Variants in BMP7 observed in about 807,000 individuals in gnomAD.
BMP7 encodes the protein osteogenic protein 1.
A neutral mutation model predicts 41.2 loss-of-function variants in BMP7; 12 were observed. That is an observed-to-expected ratio of 0.29 (90% CI 0.19 to 0.47). BMP7 has a LOEUF of 0.47. Ranked by LOEUF, BMP7 falls within the 20% of genes least tolerant of loss-of-function variation. BMP7 has a pLI of 0.99. For missense variants in BMP7, 467 were observed against 606.0 expected (o/e 0.77, Z 2.41); for synonymous variants, 248 against 250.0 (o/e 0.99, Z 0.07).
chr20:57,203,667 C>T (rs1359027563), intron 2 of BMP7, among the ~76,000 whole-genome samples: 3 of 152,202 alleles, frequency 2.0e-5, no homozygotes, highest in African/African-American at 7.2e-5. Flanking sequence ...TTCTTGCACA[C>T]TTTTAATAAG....
intron 1 of BMP7, among the ~76,000 whole-genome samples, chr20:57,249,195 C>T (rs539217990): frequency 6.6e-6 from 1 of 152,160 alleles, no homozygotes; most frequent in South Asian, 2.1e-4. Context: ...TCTGCTGTCC[C>T]AGAGGGTGTT....
chr20:57,244,462 C>T (rs541718694), intron 1 of BMP7, among the ~76,000 whole-genome samples: 5 of 152,302 alleles, frequency 3.3e-5, no homozygotes, highest in Admixed American at 2.6e-4. Flanking sequence ...AGGAAGACAC[C>T]GGCTCCTTAG....
chr20:57,205,764 A>G (rs1984715430), intron 2 of BMP7, among the ~76,000 whole-genome samples: 1 of 152,206 alleles, frequency 6.6e-6, no homozygotes, highest in Non-Finnish European at 1.5e-5. Context: ...GATACTGAGC[A>G]TTCTCTTATT....
Position 57,171,363 on chromosome 20 carries a change from G to C in BMP7, c.1147-255C>G, listed in dbSNP as rs886188009. ...AGTGGGGAAGGAAGGGGCCAGATCCGACATTCAGGACCAGGTAATTCTCTG... is the reference window on the plus strand; with the variant it reads ...AGTGGGGAAGGAAGGGGCCAGATCCCACATTCAGGACCAGGTAATTCTCTG... On this transcript the variant is annotated intron_variant, in intron 6 of 6. Transcript: ENST00000395863. The surrounding 1 kb of genome is among the most constrained non-coding windows in gnomAD (Gnocchi z 4.5). Among the ~76,000 whole-genome samples the C allele has an allele frequency of 6.6e-6, 1 of 152,304 alleles. No individual in the cohort carries two copies. Among genetic ancestry groups the C allele is most frequent in the Non-Finnish European group, 1.5e-5 (1 of 68,022 alleles).
At chr20:57,221,895 C>T (rs1183542802) in intron 2 of BMP7, among the ~76,000 whole-genome samples, 3 of 151,926 alleles carry the variant, frequency 2.0e-5, no homozygotes, top group Non-Finnish European at 4.4e-5. Flanking sequence ...CAGTAAAGAG[C>T]CCCCATTGCA....
chr20:57,227,893 G>A (rs1418474160), intron 2 of BMP7, among the ~76,000 whole-genome samples: 4 of 152,076 alleles, frequency 2.6e-5, no homozygotes, highest in Admixed American at 1.3e-4. Flanking sequence ...GTTTCAGAGT[G>A]AGAAACGGGA....
rs1467545121 is a variant in BMP7 at position 57,215,572 on chromosome 20, CCAAGAACTCTGGTGAAACAT to C, written c.611+12637_611+12656del. ...GCTGGATTCCAGCTCACAGAACACA[CCAAGAACTCTGGTGAAACAT>C]CAAGAACTCTGGGGGGTCCCCCCAG... On this transcript the variant is annotated intron_variant, in intron 2 of 6. Coordinates refer to ENST00000395863, the MANE Select transcript of BMP7 (RefSeq NM_001719.3). This position sits in a 1 kb window ranked among gnomAD's most constrained non-coding sequence, Gnocchi z 4.2. The C allele has an allele frequency of 6.6e-6, 1 of 152,182 alleles. No individual in the cohort carries two copies. Among genetic ancestry groups the C allele is most frequent in the African/African-American group, 2.4e-5 (1 of 41,442 alleles). 9.4% of individuals were successfully genotyped at this position (152,182 alleles called of 1,614,324 possible).
chr20:57,243,420 A>G (rs1327167063), intron 1 of BMP7, among the ~76,000 whole-genome samples: 1 of 152,208 alleles, frequency 6.6e-6, no homozygotes, highest in Non-Finnish European at 1.5e-5. Flanking sequence ...CAGAGGTTGC[A>G]GTGAGCTGAG....
Position 57,238,826 on chromosome 20 carries a change from C to T in BMP7, c.419-10405G>A, listed in dbSNP as rs370479414. ...AAGAGAAAATGGGGAAGAAGCAAAG[C>T]TGAAACCCCTGATAAACCCATCAGA... On this transcript the variant is annotated intron_variant, in intron 1 of 6. Transcript: ENST00000395863. Among the ~76,000 whole-genome samples the T allele has an allele frequency of 1.6e-4, 25 of 152,236 alleles. No homozygotes were observed. The East Asian group carries it at 2.5e-3, about 15-fold the overall frequency.
chr20:57,183,987 A>G, intron 3 of BMP7, 68 bp from the exon 4 acceptor site: 1 of 1,552,724 alleles, frequency 6.4e-7, no homozygotes, highest in Non-Finnish European at 8.8e-7. Context: ...ACAGGGCTGC[A>G]GAGATGCTAT....
chr20:57,194,781 C>T (rs1012663745), intron 3 of BMP7, among the ~76,000 whole-genome samples: 5 of 152,182 alleles, frequency 3.3e-5, no homozygotes, highest in South Asian at 2.1e-4. Flanking sequence ...AGGTCACAGG[C>T]GCAAAGTCAC....
rs1225381298 is a variant in BMP7, at chr20:57,259,031, C to T, written c.418+6674G>A. Reference sequence around the variant, plus strand: ...CCTTTATAAAATGAGGACACAAATGCAGAGATGTTAAGTAACTTGCCCAAG... The same window carrying T: ...CCTTTATAAAATGAGGACACAAATGTAGAGATGTTAAGTAACTTGCCCAAG... On this transcript the variant is annotated intron_variant, in intron 1 of 6. Coordinates refer to ENST00000395863, the MANE Select transcript of BMP7 (RefSeq NM_001719.3). The surrounding 1 kb of genome is among the most constrained non-coding windows in gnomAD (Gnocchi z 4.7). Among the ~76,000 whole-genome samples, 1 of 152,156 alleles carries T rather than the reference C, an allele frequency of 6.6e-6. No individual in the cohort carries two copies. Among genetic ancestry groups the T allele is most frequent in the Non-Finnish European group, 1.5e-5 (1 of 68,036 alleles).
In BMP7 at chr20:57,228,428, G is replaced by A. The variant is rs143641078; in HGVS notation, c.419-7C>T. 111 of 1,614,002 alleles carry A rather than the reference G, an allele frequency of 6.9e-5. No individual in the cohort carries two copies. In the African/African-American group the frequency reaches 1.2e-3, roughly 18 times the overall value. On this transcript the variant is annotated splice_polypyrimidine_tract_variant and splice_region_variant and intron_variant, in intron 1 of 6. Transcript: ENST00000395863. The surrounding 1 kb of genome is among the most constrained non-coding windows in gnomAD (Gnocchi z 4.5). ...AATTCCTTGTCATGTTCCACTGGAA[G>A]AGGAAGAGAACACACACCAACACCG...
chr20:57,231,020 T>C (rs1336758861), intron 1 of BMP7, among the ~76,000 whole-genome samples: 2 of 152,164 alleles, frequency 1.3e-5, no homozygotes, highest in Non-Finnish European at 1.5e-5. Context: ...ACGTGTAGCG[T>C]GTGTGTAAAC....
At chr20:57,191,525 C>T (rs1260311520) in intron 3 of BMP7, among the ~76,000 whole-genome samples, 1 of 151,870 alleles carries the variant, frequency 6.6e-6, no homozygotes, top group African/African-American at 2.4e-5. Flanking sequence ...TGGAGAAACC[C>T]CGTGTTGTAG....
chr20:57,172,402 T>C (rs1040553067), intron 6 of BMP7, among the ~76,000 whole-genome samples: 5 of 151,788 alleles, frequency 3.3e-5, no homozygotes, highest in Admixed American at 1.3e-4. Flanking sequence ...ATAGATGAGA[T>C]TTTTCTCCAG....
intron 2 of BMP7, among the ~76,000 whole-genome samples, chr20:57,203,875 G>C (rs1984676389): frequency 6.6e-6 from 1 of 152,284 alleles, no homozygotes; most frequent in Admixed American, 6.5e-5. Flanking sequence ...CACACGTAAA[G>C]ATGTCAGGCA....
At chr20:57,238,117 T>G (rs1278868100) in intron 1 of BMP7, among the ~76,000 whole-genome samples, 2 of 152,194 alleles carry the variant, frequency 1.3e-5, no homozygotes, top group African/African-American at 4.8e-5. Context: ...CTCCCCTTTC[T>G]TCCTCCCTCC....
rs371909411 is a variant in BMP7 at position 57,172,544 on chromosome 20, A to G, written c.1146+656T>C. Among the ~76,000 whole-genome samples, 133 of 152,322 alleles carry G rather than the reference A, an allele frequency of 8.7e-4. 4 individuals are homozygous for G. In the South Asian group the frequency reaches 0.025, roughly 28 times the overall value. On this transcript the variant is annotated intron_variant, in intron 6 of 6. Transcript: ENST00000395863. ...AGGGTGGATGATCAGTAGGCAGGAA[A>G]GGCTCAGATGATGTTCATGACAGGG...
Sources: gnomAD v4.1 joint callset for allele counts (sites outside exome capture counted in the v4.1 genomes callset) on GRCh38, gnomAD v4.1.1 for gene constraint, Gnocchi (gnomAD v3.1) non-coding constraint, MANE v1.5 for transcripts, NCBI Gene and HGNC (gene_info 2026-07-23, HGNC 2026-07-21) for gene names.